NWD2: variants seen among roughly 807,000 people sequenced by gnomAD.
NWD2 encodes NACHT and WD repeat domain containing 2, also known as NACHT and WD repeat domain-containing protein 2.
NWD2 carries 37 observed loss-of-function variants against 132.7 expected under a neutral mutation model. The observed-to-expected ratio is 0.28, with a 90% CI of 0.21 to 0.37. The LOEUF (loss-of-function observed/expected upper bound fraction) is 0.37, where lower values mean the gene tolerates loss of function less well. Ranked by LOEUF, NWD2 falls within the 10% of genes least tolerant of loss-of-function variation. NWD2 has a pLI of 1.00. For synonymous variants in NWD2, 705 were observed against 803.0 expected (o/e 0.88, Z 2.06); for missense variants, 1,592 against 2,122.4 (o/e 0.75, Z 4.91).
At chr4:37,293,562 A>G (rs543706602) in intron 1 of NWD2, among the ~76,000 whole-genome samples, 3 of 152,322 alleles carry the variant, frequency 2.0e-5, no homozygotes, top group Non-Finnish European at 4.4e-5. Flanking sequence ...TTGATATTTT[A>G]TATGTTGCCA....
chr4:37,397,046 C>T (rs539260440), intron 3 of NWD2, among the ~76,000 whole-genome samples: 124 of 149,782 alleles, frequency 8.3e-4, no homozygotes, highest in African/African-American at 2.9e-3. Flanking sequence ...AAAAAAAAAG[C>T]GAAGCAACTC....
Position 37,444,463 on chromosome 4 carries a change from C to T in NWD2, c.2475C>T (p.Asp825=). 1.3e-6 allele frequency: 2 copies of T among 1,551,898 alleles called. No individual in the cohort carries two copies. The highest frequency in any genetic ancestry group is 1.2e-5 in the South Asian group (1 of 84,056). Residue 825 remains aspartate, a synonymous_variant, in exon 7 of 7, where the codon GAC becomes GAT. Coordinates refer to ENST00000309447, the MANE Select transcript of NWD2 (RefSeq NM_001144990.2). This position sits in a 1 kb window ranked among gnomAD's most constrained non-coding sequence, Gnocchi z 4.8. ...TCCAGTGTAATCCCCTGGAACCTGA[C>T]ATCTTTTTCGTTAATCATCGGAAAA... ...WVFQCNPLEP[D]IFFVNHRKMS... is the part of the protein sequence containing the mutation.
chr4:37,445,038 T>C lies in NWD2; in HGVS notation c.3050T>C (p.Leu1017Pro). The change falls in exon 7 of 7, where the codon CTC becomes CCC. Residue 1017 changes from leucine to proline, a missense_variant. Leu to Pro is a moderately conservative substitution (Grantham distance 98, BLOSUM62 -3). Coordinates refer to ENST00000309447, the MANE Select transcript of NWD2 (RefSeq NM_001144990.2). This position sits in a 1 kb window ranked among gnomAD's most constrained non-coding sequence, Gnocchi z 4.7. Reference sequence around the variant, plus strand: ...CAGTCTGTCATCCTGGGCATGAAACTCACCAGTGATGAAAAGTACCTTGTG... The same window carrying C: ...CAGTCTGTCATCCTGGGCATGAAACCCACCAGTGATGAAAAGTACCTTGTG... ...TAQSVILGMK[L>P]TSDEKYLVVA... 6.4e-7 allele frequency: 1 copy of C among 1,551,860 alleles called. No individual in the cohort carries two copies. The highest frequency in any genetic ancestry group is 8.7e-7 in the Non-Finnish European group (1 of 1,147,046).
At chr4:37,328,664 T>C (rs555356895) in intron 2 of NWD2, among the ~76,000 whole-genome samples, 2 of 152,256 alleles carry the variant, frequency 1.3e-5, no homozygotes, top group South Asian at 4.2e-4. Flanking sequence ...TTTGGGTTGG[T>C]TCCAAGTCTT....
Position 37,444,575 on chromosome 4 carries a change from A to G in NWD2, c.2587A>G (p.Thr863Ala). The G allele has an allele frequency of 6.4e-7, 1 of 1,551,926 alleles. No individual in the cohort carries two copies. The highest frequency in any genetic ancestry group is 8.7e-7 in the Non-Finnish European group (1 of 1,147,022). Reference protein sequence around the residue: ...GIIMNFSWLYTMIKIGQFDKV... With the variant: ...GIIMNFSWLYAMIKIGQFDKV... ...CATCATGAACTTCAGCTGGCTTTAT[A>G]CCATGATCAAAATTGGCCAGTTTGA... The change falls in exon 7 of 7, where the codon ACC (threonine) becomes GCC (alanine). Residue 863 changes from threonine (T) to alanine (A), a missense_variant. By Grantham distance (58) the Thr-to-Ala change is moderately conservative. Around this residue, in one of 7 missense-constraint regions of NWD2, gnomAD observed 1,071 missense variants for 1,398.0 expected, o/e 0.77. Coordinates refer to ENST00000309447, the MANE Select transcript of NWD2 (RefSeq NM_001144990.2). This position sits in a 1 kb window ranked among gnomAD's most constrained non-coding sequence, Gnocchi z 4.8.
chr4:37,369,298 A>G (rs567169190), intron 3 of NWD2, among the ~76,000 whole-genome samples: 7 of 152,266 alleles, frequency 4.6e-5, no homozygotes, highest in Admixed American at 2.6e-4. Flanking sequence ...TTTAAGGTAT[A>G]TAAGTGCAGT....
rs74890666 is a variant in NWD2 at position 37,334,004 on chromosome 4, A to G, written c.240+7980A>G. On this transcript the variant is annotated intron_variant, in intron 2 of 6. Coordinates refer to ENST00000309447, the MANE Select transcript of NWD2 (RefSeq NM_001144990.2). ...GAATTAGTGAACTTGAAGACAGGCT[A>G]TTTGAAAATACACAGAGGAGAAAAA... Among the ~76,000 whole-genome samples, 664 of 152,196 alleles carry G rather than the reference A, an allele frequency of 4.4e-3. 5 individuals are homozygous for G. The highest frequency in any genetic ancestry group is 0.015 in the African/African-American group (643 of 41,538).
intron 3 of NWD2, among the ~76,000 whole-genome samples, chr4:37,407,239 T>C (rs573175685): frequency 1.3e-5 from 2 of 152,212 alleles, no homozygotes; most frequent in African/African-American, 4.8e-5. Flanking sequence ...AAAATGAACC[T>C]GAACATAACT....
chr4:37,273,707 A>T (rs893878635), intron 1 of NWD2, among the ~76,000 whole-genome samples: 4 of 152,202 alleles, frequency 2.6e-5, no homozygotes, highest in African/African-American at 9.6e-5. Flanking sequence ...CAAATGTAAA[A>T]GGACAGAAAT....
rs187507964 is a variant in NWD2, at chr4:37,247,900, G to A, written c.151+2682G>A. On this transcript the variant is annotated intron_variant, in intron 1 of 6. Coordinates refer to ENST00000309447, the MANE Select transcript of NWD2 (RefSeq NM_001144990.2). ...GCTGGGATTACAGGTGTGAGCCACC[G>A]CACCTAACCGTAGAATTTCTTTAGA... Among the ~76,000 whole-genome samples the A allele has an allele frequency of 2.6e-4, 39 of 152,236 alleles. 1 individual carries two copies. The highest frequency in any genetic ancestry group is 3.4e-3 in the Middle Eastern group (1 of 294).
At chr4:37,388,109 T>C (rs1720601941) in intron 3 of NWD2, among the ~76,000 whole-genome samples, 2 of 152,144 alleles carry the variant, frequency 1.3e-5, no homozygotes, top group Admixed American at 6.5e-5. Flanking sequence ...TTAATAATTG[T>C]ACCATATGGG....
chr4:37,426,700 T>A (rs757448853), intron 3 of NWD2, among the ~76,000 whole-genome samples: 1 of 152,214 alleles, frequency 6.6e-6, no homozygotes, highest in African/African-American at 2.4e-5. Context: ...AACCTCATTT[T>A]AAAATGCAGT....
At chr4:37,278,138 G>C (rs2109266852) in intron 1 of NWD2, among the ~76,000 whole-genome samples, 1 of 152,174 alleles carries the variant, frequency 6.6e-6, no homozygotes, top group East Asian at 1.9e-4. Flanking sequence ...TGCATTTAAG[G>C]CTCAGACTGT....
At chr4:37,329,769 A>G (rs541185915) in intron 2 of NWD2, among the ~76,000 whole-genome samples, 1 of 152,046 alleles carries the variant, frequency 6.6e-6, no homozygotes, top group African/African-American at 2.4e-5. Flanking sequence ...GATATGACTT[A>G]CCATTAAGAG....
chr4:37,247,570 G>A (rs1410208812), intron 1 of NWD2, among the ~76,000 whole-genome samples: 1 of 152,054 alleles, frequency 6.6e-6, no homozygotes, highest in Non-Finnish European at 1.5e-5. Flanking sequence ...TTCCCCATCG[G>A]TAACGAAGAT....
intron 1 of NWD2, among the ~76,000 whole-genome samples, chr4:37,252,605 T>C (rs1249127430): frequency 6.6e-6 from 1 of 152,204 alleles, no homozygotes; most frequent in Non-Finnish European, 1.5e-5. Context: ...GGGTATTGAA[T>C]TGAGTTACTC....
At chr4:37,396,118 C>G (rs963942484) in intron 3 of NWD2, among the ~76,000 whole-genome samples, 10 of 152,192 alleles carry the variant, frequency 6.6e-5, no homozygotes, top group African/African-American at 2.4e-4. Flanking sequence ...ACCCTGCCTG[C>G]CGTCTTGCAT....
chr4:37,310,495 A>G (rs1718812505), intron 1 of NWD2, among the ~76,000 whole-genome samples: 1 of 152,194 alleles, frequency 6.6e-6, no homozygotes, highest in Non-Finnish European at 1.5e-5. Flanking sequence ...GATAGAAAAA[A>G]AATAATTTGT....
At chr4:37,392,533 C>G (rs927343131) in intron 3 of NWD2, among the ~76,000 whole-genome samples, 1 of 152,224 alleles carries the variant, frequency 6.6e-6, no homozygotes, top group Admixed American at 6.5e-5. Context: ...TGTGACAGCC[C>G]AAAATGTCTC....
Sources: gnomAD v4.1 joint callset for allele counts (sites outside exome capture counted in the v4.1 genomes callset) on GRCh38, gnomAD v4.1.1 for gene constraint, gnomAD v4.1.1 regional missense constraint, Gnocchi (gnomAD v3.1) non-coding constraint, MANE v1.5 for transcripts, NCBI Gene and HGNC (gene_info 2026-07-23, HGNC 2026-07-21) for gene names.